The following INPP4B variants were observed in gnomAD, a reference collection of about 807,000 sequenced individuals.
INPP4B encodes inositol polyphosphate 4-phosphatase type II.
A neutral mutation model predicts 122.5 loss-of-function variants in INPP4B; 55 were observed. The observed-to-expected ratio is 0.45, with a 90% CI of 0.36 to 0.56. The LOEUF (loss-of-function observed/expected upper bound fraction) is 0.56. Among genes scored for constraint, INPP4B ranks in the 20% least tolerant of loss-of-function variants. INPP4B has a pLI of 0.00. For synonymous variants in INPP4B, 403 were observed against 388.7 expected, an observed-to-expected ratio of 1.04 and a Z score of -0.43; for missense variants, 1,000 against 1,097.7, an observed-to-expected ratio of 0.91 and a Z score of 1.26.
chr4:142,295,392 G>A (rs113725502), intron 9 of INPP4B, among the ~76,000 whole-genome samples: 5 of 152,268 alleles, frequency 3.3e-5, no homozygotes, highest in Admixed American at 2.6e-4. Context: ...TGGGGAATTG[G>A]GGGGTGAGTG....
At chr4:142,313,087 G>A (rs540882889) in intron 8 of INPP4B, among the ~76,000 whole-genome samples, 13 of 152,160 alleles carry the variant, frequency 8.5e-5, no homozygotes, top group Admixed American at 2.6e-4. Flanking sequence ...AGTCTAGCCC[G>A]TAGGGGGAAA....
chr4:142,367,186 ATATGTGTG>A lies in INPP4B; in HGVS notation c.372+35744_372+35751del, dbSNP rs1218651060. ...TAAATAGTGTGTATGTATACATGTA[ATATGTGTG>A]TGTGTGTGTGTGTGTGTGTGTGTGT... On this transcript the variant is annotated intron_variant, in intron 7 of 25. Coordinates refer to ENST00000262992, the MANE Select transcript of INPP4B (RefSeq NM_001101669.3). 5.0e-3 allele frequency among the ~76,000 whole-genome samples: 531 copies of A among 106,350 alleles called. 9 individuals are homozygous for A. Among genetic ancestry groups the A allele is most frequent in the East Asian group, 0.046 (195 of 4,266 alleles). The allele number at this position is 106,350 out of a possible 152,430, so 69.8% of individuals were successfully genotyped here.
chr4:142,214,486 G>A (rs1241494937), intron 12 of INPP4B, among the ~76,000 whole-genome samples: 1 of 152,136 alleles, frequency 6.6e-6, no homozygotes, highest in Non-Finnish European at 1.5e-5. Context: ...GTTGATTAGC[G>A]GCTGGTTAAG....
chr4:142,345,901 G>GA (rs1780180545), intron 7 of INPP4B, among the ~76,000 whole-genome samples: 1 of 151,688 alleles, frequency 6.6e-6, no homozygotes, highest in Non-Finnish European at 1.5e-5. Flanking sequence ...ATGAACTTTT[G>GA]AAAAAATGGC....
chr4:142,156,476 G>A (rs972065378), intron 17 of INPP4B, among the ~76,000 whole-genome samples: 5 of 152,100 alleles, frequency 3.3e-5, no homozygotes, highest in African/African-American at 1.2e-4. Context: ...CATCTTAACT[G>A]GCTAAAAGAG....
At chr4:142,679,979 C>G (rs1298975432) in intron 2 of INPP4B, among the ~76,000 whole-genome samples, 4 of 151,748 alleles carry the variant, frequency 2.6e-5, no homozygotes, top group Non-Finnish European at 4.4e-5. Flanking sequence ...AATGGCAACT[C>G]TTAGTGAAGA....
At chr4:142,040,200 T>C (rs1000223965) in intron 25 of INPP4B, among the ~76,000 whole-genome samples, 3 of 152,022 alleles carry the variant, frequency 2.0e-5, no homozygotes, top group African/African-American at 7.2e-5. Context: ...GCAGTGTTTG[T>C]CCAGGAGGGT....
At chr4:142,315,230 T>TACA (rs5862583) in intron 7 of INPP4B, among the ~76,000 whole-genome samples, 88,694 of 151,666 alleles carry the variant, frequency 0.58, 26,101 homozygotes, top group Middle Eastern at 0.66. Flanking sequence ...CCTAAGTATG[T>TACA]ATTATGTGTC....
chr4:142,803,849 GA>G (rs1778332279), intron 1 of INPP4B, among the ~76,000 whole-genome samples: 1 of 151,884 alleles, frequency 6.6e-6, no homozygotes, highest in South Asian at 2.1e-4. Context: ...ATGAGGTCAG[GA>G]CTTCGAAACC....
chr4:142,563,930 C>T (rs1731018339), intron 2 of INPP4B, among the ~76,000 whole-genome samples: 1 of 152,156 alleles, frequency 6.6e-6, no homozygotes, highest in South Asian at 2.1e-4. Flanking sequence ...CCCACCTACA[C>T]ATGGGTTAGT....
chr4:142,560,985 TAA>T (rs565010381), intron 2 of INPP4B, among the ~76,000 whole-genome samples: 531 of 152,332 alleles, frequency 3.5e-3, no homozygotes, highest in African/African-American at 0.012. Flanking sequence ...TGGTGAAAAT[TAA>T]AAGACCTTTT....
chr4:142,526,163 T>C (rs2149958050), intron 2 of INPP4B, among the ~76,000 whole-genome samples: 1 of 152,170 alleles, frequency 6.6e-6, no homozygotes. Flanking sequence ...TACATGTGTA[T>C]CTAGTGACTT....
intron 9 of INPP4B, chr4:142,287,647 G>A (rs1189854652): frequency 6.6e-6 from 1 of 152,086 alleles, no homozygotes; most frequent in Non-Finnish European, 1.5e-5. Context: ...GAAACCCTTA[G>A]CCTGGGGCTT....
intron 2 of INPP4B, among the ~76,000 whole-genome samples, chr4:142,481,748 A>G (rs938357568): frequency 6.6e-6 from 1 of 152,140 alleles, no homozygotes; most frequent in African/African-American, 2.4e-5. Flanking sequence ...TGCCCTCTAG[A>G]GTAGTGCTAG....
intron 15 of INPP4B, among the ~76,000 whole-genome samples, chr4:142,188,518 A>AAAATAT (rs1834267141): frequency 6.7e-5 from 7 of 105,126 alleles, no homozygotes; most frequent in East Asian, 3.0e-4. Context: ...AAAGAAAAAA[A>AAAATAT]ATATATATAG....
Position 142,822,791 on chromosome 4 carries a change from A to G in INPP4B, c.-254+23418T>C, listed in dbSNP as rs144057231. Among the ~76,000 whole-genome samples the G allele has an allele frequency of 7.8e-3, 1,181 of 152,280 alleles. 8 individuals carry two copies. Among genetic ancestry groups the G allele is most frequent in the Non-Finnish European group, 0.012 (802 of 68,016 alleles). ...CAGTGGACATTCTCTCCATTTTTAC[A>G]TAGTCTCTTAGCCTAGTCTTACAAT... On this transcript the variant is annotated intron_variant, in intron 1 of 25. Transcript: ENST00000262992.
chr4:142,524,650 C>G (rs1017950329), intron 2 of INPP4B, among the ~76,000 whole-genome samples: 9 of 152,272 alleles, frequency 5.9e-5, no homozygotes, highest in East Asian at 3.9e-4. Flanking sequence ...ATGATTATCT[C>G]AATAGATGCA....
chr4:142,134,993 A>G (rs1803320604), intron 18 of INPP4B, among the ~76,000 whole-genome samples: 1 of 152,152 alleles, frequency 6.6e-6, no homozygotes, highest in African/African-American at 2.4e-5. Context: ...TTTGTATTTT[A>G]TAAAATAAAA....
chr4:142,433,293 A>G (rs1283763640), intron 3 of INPP4B, among the ~76,000 whole-genome samples: 7 of 152,132 alleles, frequency 4.6e-5, no homozygotes, highest in African/African-American at 9.7e-5. Context: ...TTTTTTCACA[A>G]TAATAGATTG....
Sources: gnomAD v4.1 joint callset for allele counts (sites outside exome capture counted in the v4.1 genomes callset) on GRCh38, gnomAD v4.1.1 for gene constraint, MANE v1.5 for transcripts, NCBI Gene and HGNC (gene_info 2026-07-23, HGNC 2026-07-21) for gene names.